The following HSPBAP1 variants were observed in gnomAD, a reference collection of about 807,000 sequenced individuals.
HSPBAP1 encodes HSPB1-associated protein 1.
A neutral mutation model predicts 45.2 loss-of-function variants in HSPBAP1; 27 were observed. The ratio of observed to expected loss-of-function variants is 0.60; its 90% CI spans 0.44 to 0.82. The LOEUF (loss-of-function observed/expected upper bound fraction) is 0.82, where lower values mean the gene tolerates loss of function less well. HSPBAP1 is among the 40% of genes least tolerant of loss of function. The pLI, the probability that HSPBAP1 is intolerant of heterozygous loss-of-function variation, is 0.00. For synonymous variants in HSPBAP1, 204 were observed against 202.7 expected (o/e 1.01, Z -0.06); for missense variants, 510 against 590.9 (o/e 0.86, Z 1.42).
At chr3:122,789,908 G>A (rs1405998712) in intron 1 of HSPBAP1, among the ~76,000 whole-genome samples, 2 of 93,596 alleles carry the variant, frequency 2.1e-5, no homozygotes, top group African/African-American at 7.4e-5. Flanking sequence ...TGTTGCTCAG[G>A]CTGGAGTGCC....
At chr3:122,772,981 T>C (rs1935054136) in intron 2 of HSPBAP1, among the ~76,000 whole-genome samples, 1 of 152,106 alleles carries the variant, frequency 6.6e-6, no homozygotes, top group Non-Finnish European at 1.5e-5. Flanking sequence ...CCTGAGTAGC[T>C]AAGACTACAG....
chr3:122,779,026 TTTTC>T (rs1313868814), intron 1 of HSPBAP1, among the ~76,000 whole-genome samples: 39 of 147,026 alleles, frequency 2.7e-4, no homozygotes, highest in Non-Finnish European at 1.2e-4. Flanking sequence ...ATAGATTTCA[TTTTC>T]TTTCTTTTTC....
chr3:122,760,977 C>A (rs1253371045), intron 3 of HSPBAP1, among the ~76,000 whole-genome samples: 1 of 152,120 alleles, frequency 6.6e-6, no homozygotes, highest in East Asian at 1.9e-4. Context: ...ATCCCATAAA[C>A]AGAGCCTTTC....
intron 3 of HSPBAP1, chr3:122,762,077 G>A (rs1440503111): frequency 6.6e-6 from 1 of 152,080 alleles, no homozygotes; most frequent in Non-Finnish European, 1.5e-5. Flanking sequence ...TTCTCAGCAA[G>A]TTCTATTCTA....
At chr3:122,741,908 A>T (rs2107493481) in intron 6 of HSPBAP1, 1 of 152,300 alleles carries the variant, frequency 6.6e-6, no homozygotes, top group South Asian at 2.1e-4. Context: ...CAAAAGTCTT[A>T]TACACTAATG....
At chr3:122,760,728 T>C (rs1235172730) in intron 3 of HSPBAP1, among the ~76,000 whole-genome samples, 1 of 152,086 alleles carries the variant, frequency 6.6e-6, no homozygotes, top group African/African-American at 2.4e-5. Context: ...ATAAGCTCCA[T>C]ACTGGGAGCT....
intron 2 of HSPBAP1, among the ~76,000 whole-genome samples, chr3:122,774,083 C>T (rs1935104024): frequency 6.6e-6 from 1 of 152,246 alleles, no homozygotes. Context: ...TCTTTCACTT[C>T]ACAAATTCAA....
chr3:122,790,863 T>C (rs958030024), intron 1 of HSPBAP1, among the ~76,000 whole-genome samples: 2 of 152,212 alleles, frequency 1.3e-5, no homozygotes, highest in African/African-American at 2.4e-5. Flanking sequence ...AACTTTTCTA[T>C]GACTCCCATT....
intron 2 of HSPBAP1, among the ~76,000 whole-genome samples, chr3:122,773,299 ATG>A (rs377736525): frequency 9.1e-5 from 13 of 143,418 alleles, no homozygotes; most frequent in African/African-American, 2.8e-4. Context: ...AATCAAATAA[ATG>A]TGTTTTTTTT....
chr3:122,784,461 A>G (rs1291364385), intron 1 of HSPBAP1, among the ~76,000 whole-genome samples: 1 of 152,220 alleles, frequency 6.6e-6, no homozygotes, highest in East Asian at 1.9e-4. Flanking sequence ...AAGCAGAAAA[A>G]TATTTACTAA....
At chr3:122,781,209 G>A (rs1479283817) in intron 1 of HSPBAP1, among the ~76,000 whole-genome samples, 99 of 152,036 alleles carry the variant, frequency 6.5e-4, no homozygotes, top group African/African-American at 2.2e-3. Context: ...CAGGCGGCTG[G>A]GAGGTGGAGG....
At chr3:122,760,310 C>T (rs1934525942) in intron 3 of HSPBAP1, among the ~76,000 whole-genome samples, 1 of 151,462 alleles carries the variant, frequency 6.6e-6, no homozygotes, top group Admixed American at 6.6e-5. Context: ...ATGGCTCTGC[C>T]TTATTTTTAT....
At chr3:122,768,256 C>T (rs972778632) in intron 3 of HSPBAP1, among the ~76,000 whole-genome samples, 5 of 152,184 alleles carry the variant, frequency 3.3e-5, no homozygotes, top group African/African-American at 1.2e-4. Context: ...CCAGAGAAAA[C>T]AGCTGTCCAA....
intron 1 of HSPBAP1, 41 bp downstream of exon 1, chr3:122,793,576 T>A: frequency 6.3e-7 from 1 of 1,591,962 alleles, no homozygotes; most frequent in Non-Finnish European, 8.6e-7. Flanking sequence ...TCAACTGGCA[T>A]TGGGTTTGTA....
intron 5 of HSPBAP1, chr3:122,753,365 A>C: frequency 2.4e-6 from 2 of 850,362 alleles, no homozygotes; most frequent in Non-Finnish European, 2.8e-6. Flanking sequence ...AGGTAGGGGA[A>C]TTAGTTTAGG....
At chr3:122,780,568 C>A (rs1935408143) in intron 1 of HSPBAP1, among the ~76,000 whole-genome samples, 1 of 136,236 alleles carries the variant, frequency 7.3e-6, no homozygotes. Context: ...GAACCCCCAA[C>A]TCACTCCCGG....
At chr3:122,755,757 A>T (rs1397701023) in intron 4 of HSPBAP1, among the ~76,000 whole-genome samples, 1 of 152,034 alleles carries the variant, frequency 6.6e-6, no homozygotes, top group Admixed American at 6.6e-5. Flanking sequence ...CTTCTCATAA[A>T]TAGTTTTCAT....
In HSPBAP1 at chr3:122,777,374, T is replaced by C. The variant is rs571947522; in HGVS notation, c.250+347A>G. On this transcript the variant is annotated intron_variant, in intron 2 of 7. Coordinates refer to ENST00000306103, the MANE Select transcript of HSPBAP1 (RefSeq NM_024610.6). ...GACTATTAGATTAGTATTGGTCTAA[T>C]AGGAACATGAATAAGAGCACATTAA... is the stretch of plus-strand genomic sequence containing the variant. Among the ~76,000 whole-genome samples, 19 of 152,332 alleles carry C rather than the reference T, an allele frequency of 1.2e-4. 1 individual carries two copies. The South Asian group carries it at 2.1e-3, about 17-fold the overall frequency.
chr3:122,780,007 T>C (rs1935356497), intron 1 of HSPBAP1, among the ~76,000 whole-genome samples: 1 of 152,114 alleles, frequency 6.6e-6, no homozygotes, highest in Admixed American at 6.5e-5. Flanking sequence ...TGGCCCGTTC[T>C]CAATGAGCTG....
Sources: allele counts gnomAD v4.1 joint callset (sites outside exome capture counted in the v4.1 genomes callset), GRCh38; gene constraint gnomAD v4.1.1; transcripts MANE v1.5; gene names NCBI Gene and HGNC (gene_info 2026-07-23, HGNC 2026-07-21).